The following RARB variants were observed in gnomAD, a reference collection of about 807,000 sequenced individuals.
RARB encodes HBV-activated protein.
RARB carries 17 observed loss-of-function variants against 51.9 expected under a neutral mutation model. That is an observed-to-expected ratio of 0.33 (90% CI 0.22 to 0.49). The LOEUF is 0.49. RARB is among the 20% of genes least tolerant of loss of function. The pLI, the probability that RARB is intolerant of heterozygous loss-of-function variation, is 0.99. For missense variants in RARB, 369 were observed against 550.8 expected (o/e 0.67, Z 3.30); for synonymous variants, 215 against 195.4 (o/e 1.10, Z -0.84).
At chr3:25,026,660 A>G (rs2055659937) in intron 2 of RARB, among the ~76,000 whole-genome samples, 1 of 152,198 alleles carries the variant, frequency 6.6e-6, no homozygotes, top group Non-Finnish European at 1.5e-5. Context: ...TTTAACATAT[A>G]AATTTTGGAT....
intron 5 of RARB, among the ~76,000 whole-genome samples, chr3:25,362,203 A>G (rs768098573): frequency 6.6e-6 from 1 of 152,174 alleles, no homozygotes; most frequent in Non-Finnish European, 1.5e-5. Flanking sequence ...GGAGGAATCT[A>G]GAGAGGCAGT....
intron 5 of RARB, among the ~76,000 whole-genome samples, chr3:25,382,616 G>A (rs1706661836): frequency 6.6e-6 from 1 of 152,210 alleles, no homozygotes; most frequent in African/African-American, 2.4e-5. Context: ...AGCACTTTGG[G>A]AGGCCAAGGC....
At chr3:25,142,315 C>T (rs377173860) in intron 4 of RARB, among the ~76,000 whole-genome samples, 6 of 152,024 alleles carry the variant, frequency 3.9e-5, no homozygotes, top group African/African-American at 1.4e-4. Flanking sequence ...GCCTGAGCAA[C>T]AAGAGCAAGA....
In RARB at chr3:25,245,659, T is replaced by C. The variant is rs1291424565; in HGVS notation, c.178+71084T>C. 2.0e-5 allele frequency among the ~76,000 whole-genome samples: 3 copies of C among 152,232 alleles called. No homozygotes were observed. In the East Asian group the frequency reaches 5.8e-4, roughly 29 times the overall value. ...ACTCTCTTCTTGCTTGTAGGGTTTC[T>C]GAAGAGAGATCTGCTGTTAGTCTGA... On this transcript the variant is annotated intron_variant, in intron 5 of 11. Coordinates refer to the RARB transcript ENST00000383772.
At chr3:24,963,059 T>A (rs1320292948) in intron 2 of RARB, among the ~76,000 whole-genome samples, 1 of 152,210 alleles carries the variant, frequency 6.6e-6, no homozygotes, top group Non-Finnish European at 1.5e-5. Flanking sequence ...TGCCTCCTGA[T>A]GAACCATGCA....
At chr3:25,522,861 GAGA>G (rs1698461427) in intron 3 of RARB, among the ~76,000 whole-genome samples, 1 of 152,168 alleles carries the variant, frequency 6.6e-6, no homozygotes, top group African/African-American at 2.4e-5. Flanking sequence ...TCTGTCCGCA[GAGA>G]AGGAGACCCA....
chr3:24,838,243 A>T (rs950804947), intron 1 of RARB, among the ~76,000 whole-genome samples: 1 of 152,152 alleles, frequency 6.6e-6, no homozygotes, highest in Non-Finnish European at 1.5e-5. Flanking sequence ...ACTTGCAGCC[A>T]GAGAAATTTC....
At chr3:25,219,602 G>A (rs948362146) in intron 5 of RARB, among the ~76,000 whole-genome samples, 3 of 152,160 alleles carry the variant, frequency 2.0e-5, no homozygotes, top group African/African-American at 7.2e-5. Flanking sequence ...CACACTTGCT[G>A]AAGGGCCGCA....
At chr3:25,044,914 T>C (rs1698183257) in intron 2 of RARB, among the ~76,000 whole-genome samples, 1 of 152,198 alleles carries the variant, frequency 6.6e-6, no homozygotes, top group African/African-American at 2.4e-5. Context: ...TCTCAGTGAA[T>C]GCCCTGTTTA....
intron 5 of RARB, among the ~76,000 whole-genome samples, chr3:25,272,141 T>C (rs1006323205): frequency 2.6e-5 from 4 of 152,222 alleles, no homozygotes; most frequent in African/African-American, 7.2e-5. Flanking sequence ...AACATTTCCA[T>C]TGATTGCAGA....
chr3:24,862,002 C>G (rs1172260874), intron 2 of RARB, among the ~76,000 whole-genome samples: 1 of 152,208 alleles, frequency 6.6e-6, no homozygotes, highest in Non-Finnish European at 1.5e-5. Flanking sequence ...CTCACTGTGA[C>G]TACACTTCCG....
At chr3:25,590,243 C>G (rs1701563533) in intron 5 of RARB, among the ~76,000 whole-genome samples, 1 of 152,130 alleles carries the variant, frequency 6.6e-6, no homozygotes. Context: ...GGAAGAAAAC[C>G]TTTTCGAATA....
At chr3:24,942,656 C>G (rs1695691751) in intron 2 of RARB, among the ~76,000 whole-genome samples, 1 of 152,176 alleles carries the variant, frequency 6.6e-6, no homozygotes, top group South Asian at 2.1e-4. Context: ...AAGTTCATTT[C>G]AATTCTGAGT....
rs764613965 is a variant in RARB at position 25,428,803 on chromosome 3, T to C, written c.72T>C (p.Ser24=). The stretch of plus-strand genomic sequence containing the variant: ...TGGATTTCTACACTGCGAGTCCGTC[T>C]TCCTGCATGCTCCAGGAGAAAGCTC... ...QILDFYTASP[S]SCMLQEKALK... Residue 24 remains serine, a synonymous_variant, in exon 1 of 8, where the codon TCT becomes TCC. Coordinates refer to ENST00000330688, the MANE Select transcript of RARB (RefSeq NM_000965.5). 8.1e-6 allele frequency: 13 copies of C among 1,614,060 alleles called. No homozygotes were observed. Among genetic ancestry groups the C allele is most frequent in the South Asian group, 1.1e-5 (1 of 91,080 alleles).
chr3:25,464,246 A>G (rs1695325906), intron 2 of RARB, among the ~76,000 whole-genome samples: 1 of 152,178 alleles, frequency 6.6e-6, no homozygotes, highest in Non-Finnish European at 1.5e-5. Flanking sequence ...GGAGCTGCAT[A>G]TGAAGCTGTT....
chr3:25,272,625 T>C (rs1703280865), intron 5 of RARB, among the ~76,000 whole-genome samples: 1 of 152,256 alleles, frequency 6.6e-6, no homozygotes. Flanking sequence ...TTAATTGCTC[T>C]GGTGTGTGGC....
At chr3:25,515,573 T>C (rs1256534922) in intron 3 of RARB, among the ~76,000 whole-genome samples, 1 of 152,188 alleles carries the variant, frequency 6.6e-6, no homozygotes, top group African/African-American at 2.4e-5. Flanking sequence ...TTGTGACATA[T>C]TCAAATCATG....
chr3:25,535,080 C>A (rs960159053), intron 3 of RARB, among the ~76,000 whole-genome samples: 29 of 152,172 alleles, frequency 1.9e-4, no homozygotes, highest in Admixed American at 1.4e-3. Context: ...TTGAGTTGCC[C>A]AGTGAAGGAA....
At chr3:24,988,763 GACATT>G (rs1696848286) in intron 2 of RARB, among the ~76,000 whole-genome samples, 1 of 152,152 alleles carries the variant, frequency 6.6e-6, no homozygotes, top group Non-Finnish European at 1.5e-5. Flanking sequence ...TCTGTTATGT[GACATT>G]ACAACAATTT....
Sources: gnomAD v4.1 joint callset for allele counts (sites outside exome capture counted in the v4.1 genomes callset) on GRCh38, gnomAD v4.1.1 for gene constraint, MANE v1.5 for transcripts, NCBI Gene and HGNC (gene_info 2026-07-23, HGNC 2026-07-21) for gene names.